The following DAP3 variants were observed in gnomAD, a reference collection of about 807,000 sequenced individuals.
DAP3 encodes the protein small ribosomal subunit protein mS29.
In DAP3, 28 loss-of-function variants were observed where a neutral mutation model predicts 51.9. That is an observed-to-expected ratio of 0.54 (90% CI 0.40 to 0.74). DAP3 has a LOEUF of 0.74. Among genes scored for constraint, DAP3 ranks in the 30% least tolerant of loss-of-function variants. The probability of loss-of-function intolerance (pLI) is 0.00; values close to 1 mark genes in which losing one functional copy is unlikely to be tolerated. For missense variants in DAP3, 458 were observed against 483.5 expected (o/e 0.95, Z 0.49); for synonymous variants, 170 against 170.3 (o/e 1.00, Z 0.01).
In DAP3 at chr1:155,731,335, CTCTT is replaced by C; in HGVS notation, c.844-17_844-14del. On this transcript the variant is annotated splice_polypyrimidine_tract_variant and intron_variant, in intron 9 of 12. Coordinates refer to ENST00000368336, the MANE Select transcript of DAP3 (RefSeq NM_004632.4). Reference sequence around the variant, plus strand: ...GGAAAGGCACGTGATGATCTCTTCTCTCTTTCTGTCCGATATGCAGATTGCCCCC... The same window carrying C: ...GGAAAGGCACGTGATGATCTCTTCTCTCTGTCCGATATGCAGATTGCCCCC... 1.9e-6 allele frequency: 3 copies of C among 1,612,566 alleles called. No homozygotes were observed. Among genetic ancestry groups the C allele is most frequent in the Non-Finnish European group, 2.5e-6 (3 of 1,178,908 alleles).
intron 1 of DAP3, among the ~76,000 whole-genome samples, chr1:155,706,452 A>G (rs760446761): frequency 1.3e-5 from 2 of 152,162 alleles, no homozygotes; most frequent in Admixed American, 6.6e-5. Context: ...TATGGTTGTT[A>G]TTATTGTTGC....
chr1:155,692,198 T>C (rs1653912971), intron 1 of DAP3, among the ~76,000 whole-genome samples: 1 of 141,644 alleles, frequency 7.1e-6, no homozygotes, highest in East Asian at 1.9e-4. Context: ...GAGGAGCGTC[T>C]TTCTTCTTGA....
At chr1:155,719,960 G>C (rs1657788161) in intron 3 of DAP3, among the ~76,000 whole-genome samples, 1 of 152,138 alleles carries the variant, frequency 6.6e-6, no homozygotes, top group South Asian at 2.1e-4. Context: ...AGTCAGCTGA[G>C]ATCAGGCCAC....
At chr1:155,692,693 G>C (rs77378733) in intron 1 of DAP3, among the ~76,000 whole-genome samples, 4 of 141,906 alleles carry the variant, frequency 2.8e-5, no homozygotes, top group Non-Finnish European at 4.4e-5. Flanking sequence ...CTTTCTTCCA[G>C]ATGATGTCTA....
At chr1:155,723,715 T>C (rs1383557256) in intron 4 of DAP3, among the ~76,000 whole-genome samples, 1 of 152,208 alleles carries the variant, frequency 6.6e-6, no homozygotes, top group Non-Finnish European at 1.5e-5. Flanking sequence ...CCTACACCAA[T>C]TCAATTGTTT....
At chr1:155,694,959 C>CTA (rs1654327028) in intron 1 of DAP3, among the ~76,000 whole-genome samples, 1 of 152,196 alleles carries the variant, frequency 6.6e-6, no homozygotes, top group Non-Finnish European at 1.5e-5. Flanking sequence ...GGAATATTCC[C>CTA]TATCTCCCCC....
intron 1 of DAP3, among the ~76,000 whole-genome samples, chr1:155,693,321 C>A (rs1317677612): frequency 7.0e-6 from 1 of 142,004 alleles, no homozygotes; most frequent in African/African-American, 3.2e-5. Context: ...AAAACTGATA[C>A]ACAAATTGAA....
At chr1:155,726,113 C>CTTTTTTTTTTTT (rs377658512) in intron 6 of DAP3, 94 bp downstream of exon 6, 4 of 677,018 alleles carry the variant, frequency 5.9e-6, no homozygotes, top group East Asian at 4.0e-5. Context: ...CTTTTCTTTT[C>CTTTTTTTTTTTT]TTTTTTTTTT....
At chr1:155,735,153 C>T (rs931030997) in intron 11 of DAP3, among the ~76,000 whole-genome samples, 14 of 150,234 alleles carry the variant, frequency 9.3e-5, no homozygotes, top group Non-Finnish European at 1.5e-4. Flanking sequence ...CGTGGTGGGG[C>T]GCCTATAGTC....
intron 1 of DAP3, among the ~76,000 whole-genome samples, chr1:155,703,414 G>A (rs757888317): frequency 9.2e-5 from 14 of 152,122 alleles, no homozygotes; most frequent in Admixed American, 6.5e-5. Flanking sequence ...TCACATGAAC[G>A]GTATGGGGAA....
At chr1:155,692,484 T>G (rs1364799294) in intron 1 of DAP3, among the ~76,000 whole-genome samples, 1 of 142,118 alleles carries the variant, frequency 7.0e-6, no homozygotes, top group East Asian at 1.9e-4. Flanking sequence ...GCAAACAGCA[T>G]AAACAGGTAC....
At chr1:155,688,670 C>T, upstream of DAP3, 1 of 1,532,770 alleles carries the variant, frequency 6.5e-7, no homozygotes, top group Non-Finnish European at 8.7e-7. Flanking sequence ...TTCAGCGGCG[C>T]GAGCCCAAGC....
intron 1 of DAP3, among the ~76,000 whole-genome samples, chr1:155,705,489 G>T (rs1482810932): frequency 2.0e-5 from 3 of 149,884 alleles, no homozygotes; most frequent in African/African-American, 7.4e-5. Context: ...TATATTCCCA[G>T]CTACTTGAAA....
In DAP3 at chr1:155,725,355, CTCTTTCCT is replaced by C. The variant is rs1658455304; in HGVS notation, c.271-18_271-11del. 6.2e-7 allele frequency: 1 copy of C among 1,608,378 alleles called. No individual in the cohort carries two copies. Among genetic ancestry groups the C allele is most frequent in the Non-Finnish European group, 8.5e-7 (1 of 1,174,832 alleles). On this transcript the variant is annotated intron_variant, in intron 4 of 12. Coordinates refer to ENST00000368336, the MANE Select transcript of DAP3 (RefSeq NM_004632.4). ...CACCCACTCCTTCCACACCCACCCA[CTCTTTCCT>C]TCTTTCCTACTTTATCAGGTGAAGA... is the stretch of plus-strand genomic sequence containing the variant.
chr1:155,708,665 G>T (rs1220031438), intron 1 of DAP3, among the ~76,000 whole-genome samples: 1 of 148,146 alleles, frequency 6.8e-6, no homozygotes, highest in Non-Finnish European at 1.5e-5. Flanking sequence ...CTCCAGAGTA[G>T]CTGGGACTAC....
At chr1:155,689,022 G>C (rs765019580), upstream of DAP3, 27 of 1,584,296 alleles carry the variant, frequency 1.7e-5, no homozygotes, top group Non-Finnish European at 2.3e-5. Flanking sequence ...CCCCTCTGCC[G>C]GCCGGTGGTT....
intron 1 of DAP3, among the ~76,000 whole-genome samples, chr1:155,707,061 A>G (rs994328863): frequency 2.7e-5 from 4 of 148,822 alleles, no homozygotes; most frequent in African/African-American, 9.9e-5. Context: ...ATTGCACTCC[A>G]GCCTGGGCAA....
intron 1 of DAP3, among the ~76,000 whole-genome samples, chr1:155,692,049 A>G (rs1488492913): frequency 4.2e-5 from 6 of 141,812 alleles, no homozygotes; most frequent in Non-Finnish European, 8.8e-5. Flanking sequence ...GTCAAAGGGA[A>G]GCAGTACGTC....
intron 11 of DAP3, among the ~76,000 whole-genome samples, chr1:155,734,355 T>C (rs925301902): frequency 3.3e-5 from 5 of 152,090 alleles, no homozygotes; most frequent in Middle Eastern, 3.4e-3. Flanking sequence ...TTTTTTTTTT[T>C]AGAGGCATGG....
Sources: gnomAD v4.1 joint callset for allele counts (sites outside exome capture counted in the v4.1 genomes callset) on GRCh38, gnomAD v4.1.1 for gene constraint, MANE v1.5 for transcripts, NCBI Gene and HGNC (gene_info 2026-07-23, HGNC 2026-07-21) for gene names.